The following RFX3 variants were observed in gnomAD, a reference collection of about 807,000 sequenced individuals.
The protein encoded by RFX3 is regulatory factor X3, also known as transcription factor RFX3.
Under a neutral mutation model 98.6 loss-of-function variants are expected in RFX3, and 14 were observed. That is an observed-to-expected ratio of 0.14 (90% CI 0.09 to 0.22). The LOEUF (loss-of-function observed/expected upper bound fraction) is 0.22. Ranked by LOEUF, RFX3 falls within the 10% of genes least tolerant of loss-of-function variation. The pLI is 1.00. For missense variants in RFX3, 639 were observed against 926.9 expected, an observed-to-expected ratio of 0.69 and a Z score of 4.03; for synonymous variants, 383 against 328.4, an observed-to-expected ratio of 1.17 and a Z score of -1.80.
At chr9:3,238,990 C>T (rs1291137611) in intron 15 of RFX3, among the ~76,000 whole-genome samples, 3 of 150,300 alleles carry the variant, frequency 2.0e-5, no homozygotes, top group Non-Finnish European at 4.4e-5. Flanking sequence ...GAGCAAAATT[C>T]CATCTCAAAG....
intron 7 of RFX3, among the ~76,000 whole-genome samples, chr9:3,278,696 G>A (rs954729478): frequency 2.0e-5 from 3 of 151,766 alleles, no homozygotes; most frequent in Non-Finnish European, 4.4e-5. Context: ...ATCAATCTTG[G>A]ATGTTATCAA....
chr9:3,344,916 A>G (rs1052905416), intron 3 of RFX3: 1 of 692,074 alleles, frequency 1.4e-6, no homozygotes, highest in East Asian at 2.7e-5. Context: ...AAACATTCAC[A>G]GTGTGTCTAA....
chr9:3,434,993 T>C (rs1844987028), intron 1 of RFX3, among the ~76,000 whole-genome samples: 1 of 151,804 alleles, frequency 6.6e-6, no homozygotes, highest in African/African-American at 2.4e-5. Context: ...TGTTAAGTAC[T>C]TACATATCTA....
chr9:3,499,059 T>C (rs1851307276), intron 1 of RFX3, among the ~76,000 whole-genome samples: 1 of 152,082 alleles, frequency 6.6e-6, no homozygotes, highest in African/African-American at 2.4e-5. Flanking sequence ...ATGCTAAACA[T>C]ACACAAATAT....
chr9:3,468,756 A>C (rs1848525880), intron 1 of RFX3, among the ~76,000 whole-genome samples: 1 of 151,684 alleles, frequency 6.6e-6, no homozygotes, highest in South Asian at 2.1e-4. Context: ...ATTTAAGTCA[A>C]CATTAGCCTT....
intron 9 of RFX3, 120 bp from the exon 10 acceptor site, chr9:3,271,238 T>A: frequency 1.5e-6 from 1 of 685,318 alleles, no homozygotes; most frequent in Non-Finnish European, 2.4e-6. Context: ...TAAGTTAACA[T>A]GGTGAAACTA....
chr9:3,405,201 A>G (rs1841845932), intron 1 of RFX3, among the ~76,000 whole-genome samples: 1 of 152,094 alleles, frequency 6.6e-6, no homozygotes, highest in South Asian at 2.1e-4. Flanking sequence ...CCCTTTGAAC[A>G]GAAAAAAAAA....
rs921812519 is a variant in RFX3, at chr9:3,272,786, C to T, written c.1087-1668G>A. On this transcript the variant is annotated intron_variant, in intron 9 of 16. Coordinates refer to ENST00000617270, the MANE Select transcript of RFX3 (RefSeq NM_001282116.2). ...TACATTAAAAAAAATATTTCAGCAACTTGTATAAAAAGTTACACTTGCTCC... is the reference window on the plus strand; with the variant it reads ...TACATTAAAAAAAATATTTCAGCAATTTGTATAAAAAGTTACACTTGCTCC... 1.8e-4 allele frequency among the ~76,000 whole-genome samples: 27 copies of T among 152,058 alleles called. 2 individuals carry two copies. Among genetic ancestry groups the T allele is most frequent in the Admixed American group, 1.8e-3 (27 of 15,270 alleles).
At chr9:3,292,838 A>G (rs1381734988) in intron 6 of RFX3, among the ~76,000 whole-genome samples, 4 of 152,150 alleles carry the variant, frequency 2.6e-5, no homozygotes, top group Non-Finnish European at 1.5e-5. Context: ...ATGTAGTTTG[A>G]GAATCAGCTC....
chr9:3,353,307 C>T (rs1174327579), intron 2 of RFX3, among the ~76,000 whole-genome samples: 2 of 151,800 alleles, frequency 1.3e-5, no homozygotes, highest in African/African-American at 4.8e-5. Context: ...TGTAACTAAC[C>T]TGCACATTGT....
chr9:3,346,689 T>G lies in RFX3; in HGVS notation c.193A>C (p.Thr65Pro), dbSNP rs758081910. Reference sequence around the variant, plus strand: ...TACATTGCTCCATTGGTATAGACAGTATCGCTTCCTTCCACATACTGCACC... The same window carrying G: ...TACATTGCTCCATTGGTATAGACAGGATCGCTTCCTTCCACATACTGCACC... ...AQVQYVEGSDTVYTNGAIRTT... is the reference protein window; with the variant it reads ...AQVQYVEGSDPVYTNGAIRTT... The change falls in exon 3 of 17, where the codon ACT becomes CCT. Residue 65 changes from threonine (T) to proline (P), a missense_variant. This residue lies in a region of RFX3 where 210 missense variants were observed against 197.7 expected (regional missense o/e 1.06). Transcript: ENST00000617270. 1.9e-6 allele frequency: 3 copies of G among 1,611,196 alleles called. No individual in the cohort carries two copies. Among genetic ancestry groups the G allele is most frequent in the East Asian group, 4.5e-5 (2 of 44,850 alleles).
At chr9:3,508,314 T>G (rs991588095) in intron 1 of RFX3, among the ~76,000 whole-genome samples, 1 of 151,958 alleles carries the variant, frequency 6.6e-6, no homozygotes, top group Non-Finnish European at 1.5e-5. Context: ...ATTTAGCACT[T>G]TCTATTCATT....
chr9:3,459,983 G>A (rs1847542873), intron 1 of RFX3, among the ~76,000 whole-genome samples: 1 of 151,956 alleles, frequency 6.6e-6, no homozygotes, highest in South Asian at 2.1e-4. Context: ...ATCGAGGAAA[G>A]GGGTTTTAAA....
intron 1 of RFX3, among the ~76,000 whole-genome samples, chr9:3,438,241 G>A (rs1845322624): frequency 6.6e-6 from 1 of 152,060 alleles, no homozygotes; most frequent in Non-Finnish European, 1.5e-5. Flanking sequence ...TATGGCAAAT[G>A]CAAAATTAGC....
intron 2 of RFX3, among the ~76,000 whole-genome samples, chr9:3,353,850 C>A (rs1454641316): frequency 6.6e-6 from 1 of 151,804 alleles, no homozygotes; most frequent in Non-Finnish European, 1.5e-5. Context: ...AAAAATCAAT[C>A]AATAGAAACA....
At chr9:3,280,046 T>C (rs1825730829) in intron 7 of RFX3, among the ~76,000 whole-genome samples, 1 of 151,750 alleles carries the variant, frequency 6.6e-6, no homozygotes, top group African/African-American at 2.4e-5. Flanking sequence ...ATATCAGAAC[T>C]TGGAAATGAG....
intron 2 of RFX3, among the ~76,000 whole-genome samples, chr9:3,393,325 C>G (rs1054429508): frequency 6.6e-6 from 1 of 151,958 alleles, no homozygotes; most frequent in Non-Finnish European, 1.5e-5. Context: ...AGTCTTTATA[C>G]TATTATATAC....
intron 4 of RFX3, among the ~76,000 whole-genome samples, chr9:3,317,120 AC>A (rs1830708588): frequency 6.6e-6 from 1 of 152,198 alleles, no homozygotes. Context: ...TTCAAACTAT[AC>A]TACAAGGCTA....
At chr9:3,331,386 G>A (rs549165338) in intron 3 of RFX3, among the ~76,000 whole-genome samples, 3 of 152,174 alleles carry the variant, frequency 2.0e-5, no homozygotes, top group South Asian at 4.1e-4. Flanking sequence ...TCAATTTTAA[G>A]AGGATCTTTT....
Sources: allele counts gnomAD v4.1 joint callset (sites outside exome capture counted in the v4.1 genomes callset), GRCh38; gene constraint gnomAD v4.1.1; regional missense constraint gnomAD v4.1.1; transcripts MANE v1.5; gene names NCBI Gene and HGNC (gene_info 2026-07-23, HGNC 2026-07-21).